UBTD2: variants seen among roughly 807,000 people sequenced by gnomAD.
UBTD2 encodes the protein ubiquitin domain containing 2.
In UBTD2, 9 loss-of-function variants were observed where a neutral mutation model predicts 19.8. The observed-to-expected ratio is 0.46, with a 90% CI of 0.27 to 0.79. UBTD2 has a LOEUF of 0.79. Among genes scored for constraint, UBTD2 ranks in the 30% least tolerant of loss-of-function variants. The probability of loss-of-function intolerance (pLI) is 0.14; values close to 1 mark genes in which losing one functional copy is unlikely to be tolerated. For synonymous variants in UBTD2, 98 were observed against 103.9 expected, an observed-to-expected ratio of 0.94 and a Z score of 0.35; for missense variants, 250 against 300.4, an observed-to-expected ratio of 0.83 and a Z score of 1.24.
intron 2 of UBTD2, among the ~76,000 whole-genome samples, chr5:172,232,264 C>G (rs1003799742): frequency 6.6e-6 from 1 of 150,396 alleles, no homozygotes; most frequent in African/African-American, 2.5e-5. Flanking sequence ...CAGAGTGAGA[C>G]CCTGTCTCAA....
intron 1 of UBTD2, among the ~76,000 whole-genome samples, chr5:172,249,163 C>T (rs1754939586): frequency 6.6e-6 from 1 of 151,774 alleles, no homozygotes; most frequent in Non-Finnish European, 1.5e-5. Flanking sequence ...TTTGGAAGGC[C>T]GAGGCGGGTG....
intron 2 of UBTD2, among the ~76,000 whole-genome samples, chr5:172,224,212 G>A (rs1771714160): frequency 6.6e-6 from 1 of 151,884 alleles, no homozygotes; most frequent in African/African-American, 2.4e-5. Flanking sequence ...GAGAGGCCTG[G>A]TGGGAGGTGA....
chr5:172,268,481 C>A (rs552351949), intron 1 of UBTD2, among the ~76,000 whole-genome samples: 28 of 152,264 alleles, frequency 1.8e-4, no homozygotes, highest in African/African-American at 6.5e-4. Context: ...GTGGTACATT[C>A]TACAAGACTC....
Position 172,234,190 on chromosome 5 carries a change from G to C in UBTD2, c.239C>G (p.Ala80Gly). Residue 80 changes from alanine (A) to glycine (G), a missense_variant, in exon 2 of 3, where the codon GCT becomes GGT. Physicochemically the swap from Ala to Gly is moderately conservative, Grantham distance 60. Transcript: ENST00000393792. ...CAGTTCATGATCATTGCTCTCAAAA[G>C]CATGTGCAGCAGCCTTCAAGGCATC... ...IWDALKAAAH[A>G]FESNDHELAQ... 1 of 1,614,102 alleles carries C rather than the reference G, an allele frequency of 6.2e-7. No individual in the cohort carries two copies. Among genetic ancestry groups the C allele is most frequent in the Non-Finnish European group, 8.5e-7 (1 of 1,180,032 alleles).
chr5:172,262,315 T>C (rs759826197), intron 1 of UBTD2, among the ~76,000 whole-genome samples: 14 of 151,390 alleles, frequency 9.2e-5, no homozygotes, highest in Non-Finnish European at 1.3e-4. Context: ...CTGGGCATGG[T>C]GCCACATGCC....
intron 1 of UBTD2, among the ~76,000 whole-genome samples, chr5:172,270,631 G>A (rs1755469820): frequency 1.3e-5 from 2 of 152,020 alleles, no homozygotes; most frequent in African/African-American, 4.8e-5. Context: ...TGGGATTACA[G>A]GTGTGAGCCA....
At chr5:172,222,636 G>C (rs1051281127) in intron 2 of UBTD2, among the ~76,000 whole-genome samples, 19 of 152,056 alleles carry the variant, frequency 1.2e-4, no homozygotes, top group African/African-American at 4.3e-4. Context: ...GTGTGTTCTG[G>C]GCATGACTTT....
At chr5:172,227,285 C>T (rs1217036863) in intron 2 of UBTD2, among the ~76,000 whole-genome samples, 1 of 152,154 alleles carries the variant, frequency 6.6e-6, no homozygotes, top group Non-Finnish European at 1.5e-5. Flanking sequence ...AGGTTGACAA[C>T]AGCAGAGGAA....
intron 1 of UBTD2, among the ~76,000 whole-genome samples, chr5:172,282,177 A>C (rs4418119): frequency 3.9e-4 from 59 of 152,182 alleles, no homozygotes; most frequent in Admixed American, 2.6e-4. Flanking sequence ...GATCAACACA[A>C]TTAGAGGAAG....
At chr5:172,239,641 G>A (rs186330356) in intron 1 of UBTD2, among the ~76,000 whole-genome samples, 7 of 151,944 alleles carry the variant, frequency 4.6e-5, no homozygotes, top group East Asian at 1.9e-4. Context: ...GGCTGGTCTC[G>A]AACTCCCGAA....
chr5:172,259,834 G>A (rs1028131534), intron 1 of UBTD2, among the ~76,000 whole-genome samples: 5 of 151,892 alleles, frequency 3.3e-5, no homozygotes, highest in African/African-American at 4.8e-5. Context: ...TGGGTGGATC[G>A]CTTGAGGTCA....
chr5:172,234,313 CA>C lies in UBTD2; in HGVS notation c.115del (p.Trp39GlyfsTer7). The C allele has an allele frequency of 6.2e-7, 1 of 1,614,164 alleles. No homozygotes were observed. Among genetic ancestry groups the C allele is most frequent in the Non-Finnish European group, 8.5e-7 (1 of 1,180,032 alleles). On this transcript the variant is annotated frameshift_variant, in exon 2 of 3. Coordinates refer to ENST00000393792, the MANE Select transcript of UBTD2 (RefSeq NM_152277.3). LOFTEE classifies it high-confidence loss of function. The part of the protein sequence containing the change: ...NQPLKKEKPK[W>X]KSDYPMTDGQ... Reference sequence around the variant, plus strand: ...ATCTGTCATAGGATAATCGCTTTTCCATTTTGGTTTCTCCTTTTTCAAAGGC... The same window carrying C: ...ATCTGTCATAGGATAATCGCTTTTCCTTTTGGTTTCTCCTTTTTCAAAGGC...
At chr5:172,253,889 A>G (rs1291348212) in intron 1 of UBTD2, among the ~76,000 whole-genome samples, 4 of 152,264 alleles carry the variant, frequency 2.6e-5, no homozygotes, top group Non-Finnish European at 2.9e-5. Flanking sequence ...AATGTTATCT[A>G]TAAGAATGGT....
At position 172,234,284 on chromosome 5, in the gene UBTD2, G is replaced by C; in HGVS notation, c.145C>G (p.Gln49Glu). 1 of 1,614,166 alleles carries C rather than the reference G, an allele frequency of 6.2e-7. No individual in the cohort carries two copies. The highest frequency in any genetic ancestry group is 8.5e-7 in the Non-Finnish European group (1 of 1,180,040). Reference sequence around the variant, plus strand: ...AATTCATCCCTCTTGCTGCGTAGTTGTCCATCTGTCATAGGATAATCGCTT... The same window carrying C: ...AATTCATCCCTCTTGCTGCGTAGTTCTCCATCTGTCATAGGATAATCGCTT... Reference protein sequence around the residue: ...WKSDYPMTDGQLRSKRDEFWD... With the variant: ...WKSDYPMTDGELRSKRDEFWD... The change falls in exon 2 of 3, where the codon CAA becomes GAA. Residue 49 changes from glutamine to glutamate, a missense_variant. Coordinates refer to ENST00000393792, the MANE Select transcript of UBTD2 (RefSeq NM_152277.3).
At chr5:172,235,000 G>A (rs1349862824) in intron 1 of UBTD2, among the ~76,000 whole-genome samples, 1 of 152,130 alleles carries the variant, frequency 6.6e-6, no homozygotes, top group East Asian at 1.9e-4. Context: ...GGGAAAGGAG[G>A]CTATGTATGT....
chr5:172,243,237 G>A (rs145589116), intron 1 of UBTD2, among the ~76,000 whole-genome samples: 7 of 151,276 alleles, frequency 4.6e-5, no homozygotes, highest in Admixed American at 3.3e-4. Context: ...AGGTACTCCA[G>A]TTCTGACCCT....
At chr5:172,234,703 TCGA>T (rs1474084145) in intron 1 of UBTD2, among the ~76,000 whole-genome samples, 1 of 152,128 alleles carries the variant, frequency 6.6e-6, no homozygotes, top group Non-Finnish European at 1.5e-5. Flanking sequence ...ATCCAGGAGT[TCGA>T]GACTAGCCTG....
chr5:172,245,011 G>A (rs1358844875), intron 1 of UBTD2, among the ~76,000 whole-genome samples: 4 of 152,150 alleles, frequency 2.6e-5, no homozygotes, highest in Non-Finnish European at 5.9e-5. Flanking sequence ...TTACAGGCAT[G>A]AGCCACCGGG....
intron 2 of UBTD2, among the ~76,000 whole-genome samples, chr5:172,231,717 T>C (rs1771904281): frequency 6.6e-6 from 1 of 152,192 alleles, no homozygotes; most frequent in South Asian, 2.1e-4. Flanking sequence ...CATACATGAC[T>C]CTTCTTCCAC....
Sources: allele counts gnomAD v4.1 joint callset (sites outside exome capture counted in the v4.1 genomes callset), GRCh38; gene constraint gnomAD v4.1.1; transcripts MANE v1.5; gene names NCBI Gene and HGNC (gene_info 2026-07-23, HGNC 2026-07-21).